KHDRBS3: variants seen among roughly 807,000 people sequenced by gnomAD.
The protein encoded by KHDRBS3 is KH RNA binding domain containing, signal transduction associated 3.
A neutral mutation model predicts 45.6 loss-of-function variants in KHDRBS3; 23 were observed. The observed-to-expected ratio is 0.50, with a 90% CI of 0.36 to 0.72. KHDRBS3 has a LOEUF of 0.72. KHDRBS3 is among the 30% of genes least tolerant of loss of function. The pLI, the probability that KHDRBS3 is intolerant of heterozygous loss-of-function variation, is 0.00. For synonymous variants in KHDRBS3, 162 were observed against 156.5 expected (o/e 1.04, Z -0.26); for missense variants, 352 against 424.8 (o/e 0.83, Z 1.51).
chr8:135,563,600 A>C (rs184550806), intron 5 of KHDRBS3, among the ~76,000 whole-genome samples: 22 of 152,326 alleles, frequency 1.4e-4, no homozygotes, highest in African/African-American at 5.1e-4. Flanking sequence ...CGTACCTTGC[A>C]TATAGTAATT....
chr8:135,614,020 T>A lies in KHDRBS3; in HGVS notation c.890+6983T>A, dbSNP rs566318488. On this transcript the variant is annotated intron_variant, in intron 7 of 8. Coordinates refer to ENST00000355849, the MANE Select transcript of KHDRBS3 (RefSeq NM_006558.3). ...ACAAATGAGAATTCCCATAAAAAAA[T>A]TCAGTATAGTTCAGGTACATTTCCC... Among the ~76,000 whole-genome samples, 60 of 149,664 alleles carry A rather than the reference T, an allele frequency of 4.0e-4. 3 individuals carry two copies. Among genetic ancestry groups the A allele is most frequent in the African/African-American group, 1.4e-3 (57 of 40,928 alleles).
At chr8:135,626,785 C>T (rs1158641973) in intron 7 of KHDRBS3, among the ~76,000 whole-genome samples, 100 of 81,356 alleles carry the variant, frequency 1.2e-3, no homozygotes, top group Non-Finnish European at 1.9e-4. Context: ...ACCTGGGAGA[C>T]ACAGCGAGAC....
intron 7 of KHDRBS3, among the ~76,000 whole-genome samples, chr8:135,618,966 C>G (rs556164946): frequency 6.6e-6 from 1 of 152,188 alleles, no homozygotes; most frequent in African/African-American, 2.4e-5. Context: ...TTGGCACCTT[C>G]GTTATCACCA....
At chr8:135,538,198 A>G (rs1007651412) in intron 2 of KHDRBS3, among the ~76,000 whole-genome samples, 3 of 152,126 alleles carry the variant, frequency 2.0e-5, no homozygotes, top group Non-Finnish European at 4.4e-5. Flanking sequence ...TGTTTTCCAA[A>G]GGGGCTTTTG....
chr8:135,645,192 A>T, intron 8 of KHDRBS3, 75 bp downstream of exon 8: 1 of 1,476,058 alleles, frequency 6.8e-7, no homozygotes, highest in Non-Finnish European at 9.5e-7. Flanking sequence ...TATTAATGGG[A>T]AGAGAATAAG....
intron 6 of KHDRBS3, among the ~76,000 whole-genome samples, chr8:135,604,397 T>G (rs1002793776): frequency 6.6e-6 from 1 of 152,042 alleles, no homozygotes; most frequent in Admixed American, 6.5e-5. Flanking sequence ...ATAGGTGTGT[T>G]TAATCCATTT....
chr8:135,458,139 G>C, intron 1 of KHDRBS3, 185 bp downstream of exon 1: 8 of 1,362,996 alleles, frequency 5.9e-6, no homozygotes, highest in African/African-American at 1.5e-5. Context: ...GGAAGACCCT[G>C]ATGTGAATTT....
In KHDRBS3 at chr8:135,625,913, C is replaced by T. The variant is rs569920712; in HGVS notation, c.890+18876C>T. ...CGTTCAACTGCAGAGACTAATTGAT[C>T]CAGGCCAGCATGTCATGTCGACTTA... On this transcript the variant is annotated intron_variant, in intron 7 of 8. Transcript: ENST00000355849. The T allele has an allele frequency of 1.3e-4, 105 of 782,314 alleles. 1 individual carries two copies. In the South Asian group the frequency reaches 1.4e-3, roughly 10 times the overall value. 48.5% of individuals were successfully genotyped at this position (782,314 alleles called of 1,614,324 possible).
rs140203693 is a variant in KHDRBS3 at position 135,653,844 on chromosome 8, T to G, written c.*118-2382T>G. Among the ~76,000 whole-genome samples the G allele has an allele frequency of 5.2e-3, 795 of 152,354 alleles. 7 individuals are homozygous for G. The highest frequency in any genetic ancestry group is 8.6e-3 in the Non-Finnish European group (588 of 68,030). ...GGAGCATTTGTATTAATTTGTTTTCTTAGTGGAAGTGTGATATTTCTCTAA... is the reference window on the plus strand; with the variant it reads ...GGAGCATTTGTATTAATTTGTTTTCGTAGTGGAAGTGTGATATTTCTCTAA... On this transcript the variant is annotated intron_variant and NMD_transcript_variant, in intron 4 of 4. Coordinates refer to the KHDRBS3 transcript ENST00000521461.
chr8:135,560,980 A>G (rs2130846931), intron 5 of KHDRBS3, among the ~76,000 whole-genome samples: 1 of 152,336 alleles, frequency 6.6e-6, no homozygotes, highest in East Asian at 1.9e-4. Flanking sequence ...CTTGGTCCCA[A>G]GTCCTTTAAA....
chr8:135,538,768 TG>T (rs1024508123), intron 2 of KHDRBS3: 9 of 152,312 alleles, frequency 5.9e-5, no homozygotes, highest in Admixed American at 5.9e-4. Context: ...GGAGGTGTTA[TG>T]GGACTAATGG....
At chr8:135,551,171 C>T (rs886092686) in intron 4 of KHDRBS3, among the ~76,000 whole-genome samples, 1 of 152,086 alleles carries the variant, frequency 6.6e-6, no homozygotes, top group Non-Finnish European at 1.5e-5. Flanking sequence ...TAGTGGAATA[C>T]AGGAGCATGT....
At chr8:135,590,597 A>G (rs1828701982) in intron 6 of KHDRBS3, among the ~76,000 whole-genome samples, 1 of 152,224 alleles carries the variant, frequency 6.6e-6, no homozygotes, top group Admixed American at 6.5e-5. Context: ...TTTTCATCAA[A>G]TAGAAACCTT....
chr8:135,521,476 C>T (rs1824907395), intron 2 of KHDRBS3, 121 bp downstream of exon 2: 1 of 523,096 alleles, frequency 1.9e-6, no homozygotes, highest in Non-Finnish European at 3.4e-6. Flanking sequence ...CCTACACACA[C>T]TTTTAAAGTT....
At chr8:135,585,235 A>AAG (rs1828413172) in intron 6 of KHDRBS3, among the ~76,000 whole-genome samples, 3 of 151,568 alleles carry the variant, frequency 2.0e-5, no homozygotes, top group African/African-American at 4.8e-5. Flanking sequence ...TCTCAAAAAA[A>AAG]AAAAAAAAAA....
At chr8:135,603,891 G>T (rs943322112) in intron 6 of KHDRBS3, among the ~76,000 whole-genome samples, 8 of 152,004 alleles carry the variant, frequency 5.3e-5, no homozygotes, top group Non-Finnish European at 7.4e-5. Context: ...TTTTTGAGTA[G>T]TGTGCTCTAT....
In KHDRBS3 at chr8:135,512,096, A is replaced by G. The variant is rs1345785657; in HGVS notation, c.89-9141A>G. On this transcript the variant is annotated intron_variant, in intron 1 of 8. Transcript: ENST00000355849. ...TTATAGTGTGTTCAACTCTGGTTTG[A>G]ATGTAATGAGGATTCAGTTAGGTTT... Among the ~76,000 whole-genome samples, 4 of 152,256 alleles carry G rather than the reference A, an allele frequency of 2.6e-5. No homozygotes were observed. The East Asian group carries it at 7.7e-4, about 29-fold the overall frequency.
intron 4 of KHDRBS3, among the ~76,000 whole-genome samples, chr8:135,554,149 T>C (rs1251656889): frequency 1.3e-5 from 2 of 152,188 alleles, no homozygotes; most frequent in Non-Finnish European, 2.9e-5. Context: ...CATATTTCTT[T>C]CCCTACTACA....
intron 2 of KHDRBS3, among the ~76,000 whole-genome samples, chr8:135,531,236 A>G (rs1825459447): frequency 6.6e-6 from 1 of 152,184 alleles, no homozygotes; most frequent in Admixed American, 6.5e-5. Flanking sequence ...GATCTTTAGA[A>G]TTATTAACGT....
Sources: gnomAD v4.1 joint callset for allele counts (sites outside exome capture counted in the v4.1 genomes callset) on GRCh38, gnomAD v4.1.1 for gene constraint, MANE v1.5 for transcripts, NCBI Gene and HGNC (gene_info 2026-07-23, HGNC 2026-07-21) for gene names.